Variants in DTHD1 observed in about 807,000 individuals in gnomAD.
DTHD1 encodes the protein death domain-containing protein 1.
DTHD1 carries 59 observed loss-of-function variants against 74.8 expected under a neutral mutation model. That is an observed-to-expected ratio of 0.79 (90% confidence interval 0.64 to 0.98). The LOEUF is 0.98. DTHD1 is among the 50% of genes least tolerant of loss of function. DTHD1 has a pLI of 0.00. For synonymous variants in DTHD1, 365 were observed against 371.1 expected (o/e 0.98, Z 0.19); for missense variants, 1,051 against 1,065.4 (o/e 0.99, Z 0.19).
chr4:36,324,488 A>G (rs2109540742), intron 8 of DTHD1, among the ~76,000 whole-genome samples: 1 of 152,212 alleles, frequency 6.6e-6, no homozygotes, highest in East Asian at 1.9e-4. Flanking sequence ...TAAAACTGTA[A>G]CATTTAATAA....
Position 36,284,520 on chromosome 4 carries a change from G to A in DTHD1, c.816G>A (p.Lys272=). Residue 272 remains lysine (K), a synonymous_variant, in exon 2 of 10, where the codon AAG becomes AAA. Transcript: ENST00000639862. ...TTSSIICDIS[K]KYINSTLPND... The stretch of plus-strand genomic sequence containing the variant: ...CCTCAATAATATGTGATATCTCCAA[G>A]AAATATATAAATAGTACTCTTCCCA... 6.5e-7 allele frequency: 1 copy of A among 1,535,896 alleles called. No homozygotes were observed.
chr4:36,306,593 C>A lies in DTHD1; in HGVS notation c.1805+241C>A, dbSNP rs116290625. ...CATAACTACAGGTTTCTGCTAACTC[C>A]AAAATAGTTTTAAAATAGCACCTTC... is the stretch of plus-strand genomic sequence containing the variant. On this transcript the variant is annotated intron_variant, in intron 6 of 9. Transcript: ENST00000639862. Among the ~76,000 whole-genome samples, 960 of 152,250 alleles carry A rather than the reference C, an allele frequency of 6.3e-3. 14 individuals are homozygous for A. The highest frequency in any genetic ancestry group is 0.022 in the African/African-American group (898 of 41,540).
intron 2 of DTHD1, among the ~76,000 whole-genome samples, chr4:36,290,140 G>T (rs1204859835): frequency 6.6e-6 from 1 of 152,016 alleles, no homozygotes; most frequent in Non-Finnish European, 1.5e-5. Context: ...ACATGTAATG[G>T]TTCATTTAAT....
chr4:36,290,400 T>C lies in DTHD1; in HGVS notation c.915T>C (p.Thr305=). The change falls in exon 3 of 10, where the codon ACT becomes ACC. Residue 305 remains threonine (T), a synonymous_variant. Coordinates refer to ENST00000639862, the MANE Select transcript of DTHD1 (RefSeq NM_001170700.3). ...ATCTTGATGTGCTGAGTGATGTTAC[T>C]GGCCCCCAAGTGTCTTGTTATATTA... The part of the protein sequence containing the change: ...KEYLDVLSDV[T]GPQVSCYITA... 6.4e-7 allele frequency: 1 copy of C among 1,551,286 alleles called. No individual in the cohort carries two copies. Among genetic ancestry groups the C allele is most frequent in the Non-Finnish European group, 8.7e-7 (1 of 1,146,442 alleles).
chr4:36,314,463 A>C (rs1757581140), intron 7 of DTHD1, among the ~76,000 whole-genome samples: 2 of 148,694 alleles, frequency 1.3e-5, no homozygotes. Context: ...GCTTGCCTTC[A>C]GGAGAGTTCG....
intron 8 of DTHD1, among the ~76,000 whole-genome samples, chr4:36,318,093 T>A (rs1354612912): frequency 6.6e-6 from 1 of 152,240 alleles, no homozygotes; most frequent in East Asian, 1.9e-4. Context: ...CTATGATACA[T>A]AATTGTTCTT....
rs536980868 is a variant in DTHD1, at chr4:36,297,059, G to A, written c.1643+2020G>A. Among the ~76,000 whole-genome samples, 19 of 152,262 alleles carry A rather than the reference G, an allele frequency of 1.2e-4. No individual in the cohort carries two copies. The South Asian group carries it at 3.7e-3, about 30-fold the overall frequency. Reference sequence around the variant, plus strand: ...ACGTTATTAAGAAAATCATAAGGAAGAGAAAATATATTTACTATTCATTAA... The same window carrying A: ...ACGTTATTAAGAAAATCATAAGGAAAAGAAAATATATTTACTATTCATTAA... On this transcript the variant is annotated intron_variant, in intron 5 of 9. Transcript: ENST00000639862.
intron 8 of DTHD1, among the ~76,000 whole-genome samples, chr4:36,318,923 C>G (rs1437688124): frequency 6.6e-6 from 1 of 152,138 alleles, no homozygotes; most frequent in Non-Finnish European, 1.5e-5. Context: ...CTCTTCTGTG[C>G]ATTTTCATTT....
intron 2 of DTHD1, 52 bp from the exon 3 acceptor site, chr4:36,290,320 TA>T: frequency 6.8e-7 from 1 of 1,465,620 alleles, no homozygotes; most frequent in East Asian, 2.5e-5. Flanking sequence ...CATTTAGCTG[TA>T]AAGTACATAA....
intron 8 of DTHD1, among the ~76,000 whole-genome samples, chr4:36,334,892 A>C (rs1758919565): frequency 6.6e-6 from 1 of 152,186 alleles, no homozygotes; most frequent in Admixed American, 6.5e-5. Context: ...TTGTCCATGG[A>C]GGGCCATTCT....
intron 8 of DTHD1, among the ~76,000 whole-genome samples, chr4:36,338,571 A>G (rs1474464325): frequency 1.3e-5 from 2 of 151,474 alleles, no homozygotes; most frequent in Non-Finnish European, 2.9e-5. Context: ...TGCTGTCTCC[A>G]CTATCTCATA....
chr4:36,288,156 T>C (rs1055753850), intron 2 of DTHD1, among the ~76,000 whole-genome samples: 2 of 152,216 alleles, frequency 1.3e-5, no homozygotes, highest in African/African-American at 4.8e-5. Flanking sequence ...TGGAGTGCAG[T>C]GGCACGATCT....
intron 8 of DTHD1, among the ~76,000 whole-genome samples, chr4:36,321,135 C>T (rs932449246): frequency 1.6e-4 from 24 of 152,188 alleles, no homozygotes; most frequent in Non-Finnish European, 2.9e-5. Context: ...ATCCCAAAGG[C>T]TCAACGTATA....
At chr4:36,337,396 C>T (rs1759073264) in intron 8 of DTHD1, among the ~76,000 whole-genome samples, 1 of 152,100 alleles carries the variant, frequency 6.6e-6, no homozygotes, top group African/African-American at 2.4e-5. Flanking sequence ...TTTCTGTGTG[C>T]ATCAAAATGC....
chr4:36,333,210 A>G (rs1403941426), intron 8 of DTHD1, among the ~76,000 whole-genome samples: 1 of 152,104 alleles, frequency 6.6e-6, no homozygotes, highest in East Asian at 1.9e-4. Context: ...GCATAATTAT[A>G]TATAGTACAT....
intron 3 of DTHD1, among the ~76,000 whole-genome samples, chr4:36,292,383 G>A (rs1039532370): frequency 2.6e-5 from 4 of 152,128 alleles, no homozygotes; most frequent in East Asian, 1.9e-4. Flanking sequence ...AAATACAGGC[G>A]TGAATTTTTC....
At chr4:36,295,611 A>AAG (rs1036187012) in intron 5 of DTHD1, among the ~76,000 whole-genome samples, 3 of 151,970 alleles carry the variant, frequency 2.0e-5, no homozygotes, top group African/African-American at 4.8e-5. Flanking sequence ...AATACAAAGG[A>AAG]AGAGAGAGAG....
chr4:36,329,064 T>C (rs934009535), intron 8 of DTHD1, among the ~76,000 whole-genome samples: 1 of 152,242 alleles, frequency 6.6e-6, no homozygotes, highest in Non-Finnish European at 1.5e-5. Flanking sequence ...TGTTTTTCTT[T>C]TATGCTTTAC....
chr4:36,332,922 C>CA (rs1348467010), intron 8 of DTHD1: 1 of 152,080 alleles, frequency 6.6e-6, no homozygotes, highest in Non-Finnish European at 1.5e-5. Context: ...ACACATGCCT[C>CA]ATAAGTGTGC....
Sources: allele counts gnomAD v4.1 joint callset (sites outside exome capture counted in the v4.1 genomes callset), GRCh38; gene constraint gnomAD v4.1.1; transcripts MANE v1.5; gene names NCBI Gene and HGNC (gene_info 2026-07-23, HGNC 2026-07-21).